The following THAP5 variants were observed in gnomAD, a reference collection of about 807,000 sequenced individuals.
The protein encoded by THAP5 is THAP domain-containing protein 5.
THAP5 carries 26 observed loss-of-function variants against 34.0 expected under a neutral mutation model. The ratio of observed to expected loss-of-function variants is 0.77; its 90% CI spans 0.56 to 1.06. THAP5 has a LOEUF of 1.06. THAP5 is among the 50% of genes least tolerant of loss of function. THAP5 has a pLI of 0.00. For synonymous variants in THAP5, 125 were observed against 153.0 expected (o/e 0.82, Z 1.35); for missense variants, 394 against 452.8 (o/e 0.87, Z 1.18).
rs1308035714 is a variant in THAP5, at chr7:108,564,531, G to A, written c.848C>T (p.Pro283Leu). The A allele has an allele frequency of 1.2e-6, 2 of 1,613,714 alleles. No homozygotes were observed. Among genetic ancestry groups the A allele is most frequent in the Non-Finnish European group, 1.7e-6 (2 of 1,179,864 alleles). ...AIFVPAENSK[P>L]SVNSFISAQK... ...TGCAGATATAAAAGAATTAACTGAGGGTTTAGAATTTTCAGCAGGTACAAA... is the reference window on the plus strand; with the variant it reads ...TGCAGATATAAAAGAATTAACTGAGAGTTTAGAATTTTCAGCAGGTACAAA... Residue 283 changes from proline to leucine, a missense_variant, in exon 3 of 3, where the codon CCC becomes CTC. By Grantham distance (98) the Pro-to-Leu change is moderately conservative (BLOSUM62 -3). Coordinates refer to ENST00000415914, the MANE Select transcript of THAP5 (RefSeq NM_001130475.3).
At chr7:108,547,781 A>G in the THAP5 span, among the ~76,000 whole-genome samples, 1 of 152,246 alleles carries the variant, frequency 6.6e-6, no homozygotes, top group Non-Finnish European at 1.5e-5. Context: ...GTCTAGAATA[A>G]TCGATTTTCC....
chr7:108,552,534 TCAC>T (rs1327198724), downstream of THAP5, among the ~76,000 whole-genome samples: 1 of 152,248 alleles, frequency 6.6e-6, no homozygotes, highest in Non-Finnish European at 1.5e-5. Context: ...GCATGGTGGC[TCAC>T]GCCTGTAATC....
At chr7:108,554,382 G>A (rs565467054), downstream of THAP5, among the ~76,000 whole-genome samples, 2 of 152,262 alleles carry the variant, frequency 1.3e-5, no homozygotes, top group South Asian at 4.1e-4. Context: ...AAGATGAGCT[G>A]CATTGAGAGT....
At position 108,564,867 on chromosome 7, in the gene THAP5, T is replaced by C; in HGVS notation, c.512A>G (p.Gln171Arg). 1.2e-6 allele frequency: 2 copies of C among 1,609,202 alleles called. No individual in the cohort carries two copies. The highest frequency in any genetic ancestry group is 8.5e-7 in the Non-Finnish European group (1 of 1,177,040). The change falls in exon 3 of 3, where the codon CAA becomes CGA. Residue 171 changes from glutamine (Q) to arginine (R), a missense_variant. Gln to Arg is a conservative substitution (Grantham distance 43, BLOSUM62 1). Transcript: ENST00000415914. The part of the protein sequence containing the change: ...NNMLTLNLVK[Q>R]HTGKPESTLE... ...GGTAGATTCTGGTTTCCCAGTATGTTGTTTAACTAGATTAAGAGTTAACAT... is the reference window on the plus strand; with the variant it reads ...GGTAGATTCTGGTTTCCCAGTATGTCGTTTAACTAGATTAAGAGTTAACAT...
chr7:108,549,458 G>C, the THAP5 span, among the ~76,000 whole-genome samples: 2 of 152,022 alleles, frequency 1.3e-5, no homozygotes, highest in African/African-American at 4.8e-5. Context: ...CTGTCTTTTT[G>C]ACACTCCACT....
At chr7:108,566,106 G>A in intron 1 of THAP5, 84 bp from the exon 2 acceptor site, 1 of 1,179,500 alleles carries the variant, frequency 8.5e-7, no homozygotes, top group Non-Finnish European at 1.2e-6. Context: ...CTATATATCT[G>A]GGTAACCTAT....
At position 108,564,130 on chromosome 7, in the gene THAP5, T is replaced by C. The variant is rs563355182; in HGVS notation, c.*61A>G. The C allele has an allele frequency of 1.5e-4, 203 of 1,315,222 alleles. 1 individual carries two copies. Among genetic ancestry groups the C allele is most frequent in the South Asian group, 2.2e-4 (15 of 67,276 alleles). The allele number at this position is 1,315,222 out of a possible 1,614,324, so 81.5% of individuals were successfully genotyped here. A position where few individuals can be genotyped will look rare whatever the true frequency, so the allele number is the denominator to read the frequency against. On this transcript the variant is annotated 3_prime_UTR_variant, in exon 3 of 3. Transcript: ENST00000415914. The stretch of plus-strand genomic sequence containing the variant: ...TATACAGGAAACAGTTCACTTTACA[T>C]GTAGTTTGGTTTGGCTGGAAAAAGC...
At chr7:108,542,834 G>A in the THAP5 span, among the ~76,000 whole-genome samples, 6 of 152,172 alleles carry the variant, frequency 3.9e-5, 1 homozygote, top group Admixed American at 3.9e-4. Context: ...GGGCTGGTCT[G>A]GAGAATTCAA....
Position 108,564,739 on chromosome 7 carries a change from T to C in THAP5, c.640A>G (p.Ser214Gly), listed in dbSNP as rs1790446361. The stretch of plus-strand genomic sequence containing the variant: ...TGAGTTTCCAAAGATTGATGAATAC[T>C]TTCTGAATTTGAAGTTGTCAAAGTA... The part of the protein sequence containing the change: ...TITLTTSNSE[S>G]IHQSLETQEV... The change falls in exon 3 of 3, where the codon AGT (serine) becomes GGT (glycine). Residue 214 changes from serine (S) to glycine (G), a missense_variant. Coordinates refer to ENST00000415914, the MANE Select transcript of THAP5 (RefSeq NM_001130475.3). 1 of 1,613,390 alleles carries C rather than the reference T, an allele frequency of 6.2e-7. No homozygotes were observed. Among genetic ancestry groups the C allele is most frequent in the Non-Finnish European group, 8.5e-7 (1 of 1,179,650 alleles).
downstream of THAP5, among the ~76,000 whole-genome samples, chr7:108,558,415 T>TATATATATATATATATATA (rs1554694595): frequency 1.6e-4 from 10 of 61,204 alleles, no homozygotes; most frequent in African/African-American, 4.0e-4. Context: ...ATATATATAT[T>TATATATATATATATATATA]TAGACAGAGT....
At chr7:108,556,821 C>T (rs1864389820) in intron 1 of THAP5, among the ~76,000 whole-genome samples, 2 of 152,254 alleles carry the variant, frequency 1.3e-5, no homozygotes, top group Non-Finnish European at 2.9e-5. Context: ...GTGGGGGCTC[C>T]AACTCCACAT....
At chr7:108,551,253 A>G (rs567202686), downstream of THAP5, among the ~76,000 whole-genome samples, 2 of 152,250 alleles carry the variant, frequency 1.3e-5, no homozygotes, top group Admixed American at 6.5e-5. Flanking sequence ...TGTGTTGGAA[A>G]CTTCATGCCC....
downstream of THAP5, among the ~76,000 whole-genome samples, chr7:108,559,145 T>A (rs541539770): frequency 6.6e-5 from 10 of 152,296 alleles, no homozygotes; most frequent in South Asian, 2.1e-3. Context: ...AAGCTAACAC[T>A]TTGGTAAAAG....
chr7:108,562,484 A>G lies in THAP5; in HGVS notation c.*1707T>C, dbSNP rs1404619567. ...AATGAAACTAAGTCAAATATGGCCAAAAATAATCATCATGCATTTACAAAA... is the reference window on the plus strand; with the variant it reads ...AATGAAACTAAGTCAAATATGGCCAGAAATAATCATCATGCATTTACAAAA... On this transcript the variant is annotated 3_prime_UTR_variant, in exon 3 of 3. Transcript: ENST00000415914. 6.6e-6 allele frequency: 1 copy of G among 152,230 alleles called. No homozygotes were observed. The allele number at this position is 152,230 out of a possible 1,614,324, so 9.4% of individuals were successfully genotyped here.
At position 108,569,532 on chromosome 7, in the gene THAP5, C is replaced by A. The variant is rs1308920868; in HGVS notation, c.38G>T (p.Arg13Leu). 2.6e-6 allele frequency: 4 copies of A among 1,551,630 alleles called. No individual in the cohort carries two copies. Among genetic ancestry groups the A allele is most frequent in the East Asian group, 2.4e-5 (1 of 40,936 alleles). The change falls in exon 1 of 3, where the codon CGC (arginine) becomes CTC (leucine). Residue 13 changes from arginine to leucine, a missense_variant. Transcript: ENST00000415914. ...RYCAAICCKN[R>L]RGRNNKDRKL... is the part of the protein sequence containing the mutation. ...CCGGTCTTTATTGTTTCGTCCCCGG[C>A]GGTTCTTACAACAAATCGCTGCGCA...
At chr7:108,559,988 T>C (rs1864414897), downstream of THAP5, among the ~76,000 whole-genome samples, 1 of 152,238 alleles carries the variant, frequency 6.6e-6, no homozygotes, top group Non-Finnish European at 1.5e-5. Flanking sequence ...AAACTTTAAA[T>C]ATTTATAGTT....
the THAP5 span, among the ~76,000 whole-genome samples, chr7:108,548,378 T>TA: frequency 6.6e-6 from 1 of 151,928 alleles, no homozygotes; most frequent in Non-Finnish European, 1.5e-5. Context: ...ACTTTGGGGA[T>TA]AAAAAAACAA....
Position 108,565,033 on chromosome 7 carries a change from T to C in THAP5, c.346A>G (p.Lys116Glu). ...EDEKEVCPKAKSEESFVLNET... is the reference protein window; with the variant it reads ...EDEKEVCPKAESEESFVLNET... ...TTTAATACAAATGATTCTTCTGACT[T>C]GGCTTTTGGGCATACTTCTTTCTCA... The change falls in exon 3 of 3, where the codon AAG becomes GAG. Residue 116 changes from lysine (K) to glutamate (E), a missense_variant. Coordinates refer to ENST00000415914, the MANE Select transcript of THAP5 (RefSeq NM_001130475.3). 6.5e-7 allele frequency: 1 copy of C among 1,549,802 alleles called. No individual in the cohort carries two copies. Among genetic ancestry groups the C allele is most frequent in the Non-Finnish European group, 8.7e-7 (1 of 1,146,324 alleles).
At chr7:108,558,414 T>TATATATATATATATATATATATATA (rs1554694581), downstream of THAP5, among the ~76,000 whole-genome samples, 41 of 133,126 alleles carry the variant, frequency 3.1e-4, no homozygotes, top group African/African-American at 8.1e-4. Flanking sequence ...TATATATATA[T>TATATATATATATATATATATATATA]TTAGACAGAG....
Sources: allele counts gnomAD v4.1 joint callset (sites outside exome capture counted in the v4.1 genomes callset), GRCh38; gene constraint gnomAD v4.1.1; transcripts MANE v1.5; gene names NCBI Gene and HGNC (gene_info 2026-07-23, HGNC 2026-07-21).